ABCC9: variants seen among roughly 807,000 people sequenced by gnomAD.
ABCC9 encodes ATP-binding cassette sub-family C member 9.
A neutral mutation model predicts 188.3 loss-of-function variants in ABCC9; 95 were observed. The ratio of observed to expected loss-of-function variants is 0.50; its 90% confidence interval spans 0.43 to 0.60. The LOEUF (loss-of-function observed/expected upper bound fraction) is 0.60, where lower values mean the gene tolerates loss of function less well. ABCC9 is among the 20% of genes least tolerant of loss of function. The pLI is 0.00. For synonymous variants in ABCC9, 659 were observed against 652.7 expected (o/e 1.01, Z -0.15); for missense variants, 1,102 against 1,876.3 (o/e 0.59, Z 7.62).
intron 35 of ABCC9, among the ~76,000 whole-genome samples, chr12:21,814,234 A>C (rs1942451766): frequency 6.6e-6 from 1 of 152,152 alleles, no homozygotes; most frequent in South Asian, 2.1e-4. Flanking sequence ...ATGTACCAAA[A>C]TTTAAAATGC....
chr12:21,932,616 A>G (rs1949334111), intron 4 of ABCC9, among the ~76,000 whole-genome samples: 1 of 152,084 alleles, frequency 6.6e-6, no homozygotes, highest in Non-Finnish European at 1.5e-5. Context: ...AAGGACATGA[A>G]CAGACACATG....
chr12:21,895,361 C>T lies in ABCC9; in HGVS notation c.1619-46G>A, dbSNP rs367691037. On this transcript the variant is annotated intron_variant, in intron 12 of 39. Coordinates refer to ENST00000261200, the MANE Select transcript of ABCC9 (RefSeq NM_020297.4). ...CATTAGTTTCATTGAACTGTGAAAA[C>T]ATTTTCAGTAACTTTAATCATCTAT... The T allele has an allele frequency of 1.9e-5, 28 of 1,507,110 alleles. No individual in the cohort carries two copies. In the African/African-American group the frequency reaches 3.6e-4, roughly 19 times the overall value. The allele number at this position is 1,507,110 out of a possible 1,614,324, so 93.4% of individuals were successfully genotyped here.
intron 5 of ABCC9, among the ~76,000 whole-genome samples, chr12:21,917,896 A>G (rs1189416230): frequency 2.6e-5 from 4 of 152,188 alleles, no homozygotes; most frequent in Non-Finnish European, 1.5e-5. Context: ...ACATAAGACA[A>G]TCCAGCTTGG....
At chr12:21,803,146 A>G (rs576439550) in intron 39 of ABCC9, among the ~76,000 whole-genome samples, 2 of 152,096 alleles carry the variant, frequency 1.3e-5, no homozygotes, top group Admixed American at 1.3e-4. Flanking sequence ...TCTTTGAGAA[A>G]GGACCAGAGC....
At chr12:21,916,043 C>T in intron 6 of ABCC9, 133 bp from the exon 7 acceptor site, 2 of 848,900 alleles carry the variant, frequency 2.4e-6, no homozygotes, top group Non-Finnish European at 3.6e-6. Flanking sequence ...CCTTCCATCC[C>T]TTTCTGAAAT....
rs544262956 is a variant in ABCC9, at chr12:21,871,094, A to G, written c.2198+1531T>C. ...ACTGTCATTCTTTCTCTCTGTTTTA[A>G]TGATGGTAAATCAGGATAAAAACAA... is the stretch of plus-strand genomic sequence containing the variant. On this transcript the variant is annotated intron_variant, in intron 18 of 39. Transcript: ENST00000261200. Among the ~76,000 whole-genome samples, 19 of 152,314 alleles carry G rather than the reference A, an allele frequency of 1.2e-4. No individual in the cohort carries two copies. In the East Asian group the frequency reaches 3.3e-3, roughly 26 times the overall value.
intron 22 of ABCC9, 121 bp from the exon 23 acceptor site, chr12:21,852,626 TA>T (rs33997747): frequency 9.0e-6 from 11 of 1,222,844 alleles, no homozygotes; most frequent in East Asian, 2.5e-5. Flanking sequence ...CTAATTTATT[TA>T]AAAAAAGGAT....
intron 34 of ABCC9, among the ~76,000 whole-genome samples, chr12:21,815,452 T>C (rs1462997417): frequency 6.6e-6 from 1 of 152,164 alleles, no homozygotes; most frequent in African/African-American, 2.4e-5. Flanking sequence ...ACTAGAGTTA[T>C]TATGAATGCA....
intron 15 of ABCC9, among the ~76,000 whole-genome samples, chr12:21,883,393 T>C (rs1030847382): frequency 2.6e-5 from 4 of 152,006 alleles, no homozygotes; most frequent in Admixed American, 2.6e-4. Flanking sequence ...CATAGGGGAG[T>C]TCCCCTGCAC....
At chr12:21,832,286 A>G (rs1050256763) in intron 30 of ABCC9, among the ~76,000 whole-genome samples, 6 of 152,172 alleles carry the variant, frequency 3.9e-5, no homozygotes, top group African/African-American at 1.4e-4. Context: ...CGAACCCTCA[A>G]TGCGGGGGAG....
At position 21,915,514 on chromosome 12, in the gene ABCC9, A is replaced by ATATATATATATT; in HGVS notation, c.816+153_816+154insAATATATATATA. Among the ~76,000 whole-genome samples the ATATATATATATT allele has an allele frequency of 1.4e-3, 5 of 3,518 alleles. 2 individuals carry two copies. Among genetic ancestry groups the ATATATATATATT allele is most frequent in the Non-Finnish European group, 1.9e-3 (4 of 2,140 alleles). The allele number at this position is 3,518 out of a possible 152,430, so 2.3% of individuals were successfully genotyped here. On this transcript the variant is annotated intron_variant, in intron 7 of 39. Transcript: ENST00000261200. ...TGTGTGTGTGTGTATATATATATAT[A>ATATATATATATT]TTTTTTTTTTTTTTTTGAGACAGAG...
At chr12:21,940,034 A>G (rs964464315) in intron 2 of ABCC9, among the ~76,000 whole-genome samples, 1 of 152,192 alleles carries the variant, frequency 6.6e-6, no homozygotes. Flanking sequence ...ATCTGATTTA[A>G]TTCTAAAAAC....
intron 35 of ABCC9, among the ~76,000 whole-genome samples, chr12:21,813,524 A>G (rs780824292): frequency 2.0e-5 from 3 of 152,224 alleles, no homozygotes; most frequent in Non-Finnish European, 4.4e-5. Context: ...GATAGTTCAC[A>G]TGGGACCTGA....
In ABCC9 at chr12:21,799,284, A is replaced by G. The variant is rs1214889079; in HGVS notation, c.*1760T>C. 1 of 151,642 alleles carries G rather than the reference A, an allele frequency of 6.6e-6. No individual in the cohort carries two copies. Among genetic ancestry groups the G allele is most frequent in the African/African-American group, 2.4e-5 (1 of 41,340 alleles). 9.4% of individuals were successfully genotyped at this position (151,642 alleles called of 1,614,324 possible). The stretch of plus-strand genomic sequence containing the variant: ...TAAAAAAAAAAAAGAAAAAAAAAAG[A>G]TTACTTCCATGGGTAAAAACCCATT... On this transcript the variant is annotated 3_prime_UTR_variant, in exon 40 of 40. Coordinates refer to ENST00000261200, the MANE Select transcript of ABCC9 (RefSeq NM_020297.4).
chr12:21,889,664 T>C (rs1947052636), intron 14 of ABCC9, among the ~76,000 whole-genome samples: 1 of 152,154 alleles, frequency 6.6e-6, no homozygotes, highest in Admixed American at 6.6e-5. Flanking sequence ...TCCATTCCCA[T>C]TTCTAGTATA....
intron 2 of ABCC9, among the ~76,000 whole-genome samples, chr12:21,937,673 A>C (rs1454468466): frequency 1.3e-5 from 2 of 152,196 alleles, no homozygotes; most frequent in Non-Finnish European, 2.9e-5. Flanking sequence ...TATAATGCCT[A>C]CTACTTATTT....
chr12:21,872,786 A>G, intron 17 of ABCC9, 56 bp from the exon 18 acceptor site: 2 of 1,270,644 alleles, frequency 1.6e-6, no homozygotes, highest in Non-Finnish European at 2.3e-6. Context: ...TGGTGAAATA[A>G]CATCAAAACA....
chr12:21,924,259 T>C (rs1041790854), intron 5 of ABCC9: 1 of 156,410 alleles, frequency 6.4e-6, no homozygotes, highest in Admixed American at 6.5e-5. Flanking sequence ...AGGTAAAGTA[T>C]ACTAATGTCT....
intron 18 of ABCC9, among the ~76,000 whole-genome samples, chr12:21,869,294 A>G (rs1462331104): frequency 6.6e-6 from 1 of 152,214 alleles, no homozygotes; most frequent in Non-Finnish European, 1.5e-5. Context: ...GTATATGCTG[A>G]ATCTATTCAC....
Sources: allele counts gnomAD v4.1 joint callset (sites outside exome capture counted in the v4.1 genomes callset), GRCh38; gene constraint gnomAD v4.1.1; transcripts MANE v1.5; gene names NCBI Gene and HGNC (gene_info 2026-07-23, HGNC 2026-07-21).